Variants in STUM observed in about 807,000 individuals in gnomAD.
STUM encodes stum, mechanosensory transduction mediator homolog, also known as protein stum homolog.
Under a neutral mutation model 15.3 loss-of-function variants are expected in STUM, and 8 were observed. That is an observed-to-expected ratio of 0.52 (90% CI 0.31 to 0.94). The LOEUF is 0.94. Ranked by LOEUF, STUM falls within the 40% of genes least tolerant of loss-of-function variation. The probability of loss-of-function intolerance (pLI) is 0.05; values close to 1 mark genes in which losing one functional copy is unlikely to be tolerated. For synonymous variants in STUM, 78 were observed against 88.7 expected (o/e 0.88, Z 0.68); for missense variants, 142 against 204.9 (o/e 0.69, Z 1.87).
intron 1 of STUM, among the ~76,000 whole-genome samples, chr1:226,556,790 A>T (rs1448816734): frequency 6.6e-6 from 1 of 152,242 alleles, no homozygotes; most frequent in Admixed American, 6.5e-5. Flanking sequence ...CTCCACAGTC[A>T]GAACAGGTTA....
chr1:226,591,591 G>A (rs1210424760), intron 1 of STUM, among the ~76,000 whole-genome samples: 2 of 152,158 alleles, frequency 1.3e-5, no homozygotes, highest in African/African-American at 2.4e-5. Flanking sequence ...AGAACAGGCA[G>A]GTACTCAGCC....
Position 226,596,831 on chromosome 1 carries a change from T to G in STUM, c.232T>G (p.Cys78Gly). The G allele has an allele frequency of 6.2e-7, 1 of 1,614,210 alleles. No individual in the cohort carries two copies. The highest frequency in any genetic ancestry group is 8.5e-7 in the Non-Finnish European group (1 of 1,180,032). The change falls in exon 2 of 4, where the codon TGC (cysteine) becomes GGC (glycine). Residue 78 changes from cysteine to glycine, a missense_variant. Around this residue, in one of 2 missense-constraint regions of STUM, gnomAD observed 113 missense variants for 134.4 expected, o/e 0.84. Coordinates refer to ENST00000366788, the MANE Select transcript of STUM (RefSeq NM_001003665.4). Reference sequence around the variant, plus strand: ...ATTCGTCTCGGCCTTCACTGTGCTGTGCGGGGCCCGCACCGACCTCCCGGA... The same window carrying G: ...ATTCGTCTCGGCCTTCACTGTGCTGGGCGGGGCCCGCACCGACCTCCCGGA... Reference protein sequence around the residue: ...GTFVSAFTVLCGARTDLPDRH... With the variant: ...GTFVSAFTVLGGARTDLPDRH...
At position 226,549,345 on chromosome 1, in the gene STUM, G is replaced by T. The variant is rs1048380560; in HGVS notation, c.202+239G>T. 6.6e-6 allele frequency among the ~76,000 whole-genome samples: 1 copy of T among 152,198 alleles called. No homozygotes were observed. Among genetic ancestry groups the T allele is most frequent in the Non-Finnish European group, 1.5e-5 (1 of 68,030 alleles). On this transcript the variant is annotated intron_variant, in intron 1 of 3. Transcript: ENST00000366788. The surrounding 1 kb of genome is among the most constrained non-coding windows in gnomAD (Gnocchi z 6.8). ...CCGCAGGCGGGGCCCCAAAGAGCCG[G>T]AAACTTTGCGGCCAATGTTGGAGCC... is the stretch of plus-strand genomic sequence containing the variant.
At position 226,553,211 on chromosome 1, in the gene STUM, T is replaced by C. The variant is rs751142110; in HGVS notation, c.202+4105T>C. ...GAAATTGTTCAACAGAATGAGAGAG[T>C]AGTTACTTTTCATTAGAGTGGAAGG... is the stretch of plus-strand genomic sequence containing the variant. On this transcript the variant is annotated intron_variant, in intron 1 of 3. Transcript: ENST00000366788. Among the ~76,000 whole-genome samples, 4 of 151,802 alleles carry C rather than the reference T, an allele frequency of 2.6e-5. No individual in the cohort carries two copies. In the South Asian group the frequency reaches 8.3e-4, roughly 32 times the overall value.
chr1:226,600,783 C>A lies in STUM; in HGVS notation c.391+109C>A. 8.4e-7 allele frequency: 1 copy of A among 1,190,762 alleles called. No individual in the cohort carries two copies. The highest frequency in any genetic ancestry group is 1.2e-5 in the South Asian group (1 of 81,340). 73.8% of individuals were successfully genotyped at this position (1,190,762 alleles called of 1,614,324 possible). A position where few individuals can be genotyped will look rare whatever the true frequency, so the allele number is the denominator to read the frequency against. On this transcript the variant is annotated intron_variant, in intron 3 of 3. Coordinates refer to ENST00000366788, the MANE Select transcript of STUM (RefSeq NM_001003665.4). This position sits in a 1 kb window ranked among gnomAD's most constrained non-coding sequence, Gnocchi z 5.2. ...CACCCCACCCACTCTCCCAGTGGGT[C>A]AATGGGCTTTTATGTTTAGCTTGAA...
chr1:226,605,475 T>C lies in STUM; in HGVS notation c.*3435T>C, dbSNP rs1668341833. ...CGCATGCAGCCCAGAGCAGGTCCTG[T>C]GGAGGGGTCCTCACCCCTCAGGAGT... On this transcript the variant is annotated 3_prime_UTR_variant, in exon 4 of 4. Transcript: ENST00000366788. The surrounding 1 kb of genome is among the most constrained non-coding windows in gnomAD (Gnocchi z 4.0). The C allele has an allele frequency of 6.6e-6, 1 of 152,250 alleles. No homozygotes were observed. The highest frequency in any genetic ancestry group is 2.1e-4 in the South Asian group (1 of 4,838). The allele number at this position is 152,250 out of a possible 1,614,324, so 9.4% of individuals were successfully genotyped here.
intron 1 of STUM, among the ~76,000 whole-genome samples, chr1:226,570,900 A>T (rs539104435): frequency 3.1e-4 from 47 of 152,290 alleles, no homozygotes; most frequent in African/African-American, 1.1e-3. Context: ...TAAAAGCCCC[A>T]ATGATATTGA....
chr1:226,573,653 T>A (rs1667756446), intron 1 of STUM, among the ~76,000 whole-genome samples: 1 of 152,198 alleles, frequency 6.6e-6, no homozygotes, highest in African/African-American at 2.4e-5. Flanking sequence ...TTATTTTTAA[T>A]TTTTAAAATA....
Position 226,565,426 on chromosome 1 carries a change from A to G in STUM, c.202+16320A>G, listed in dbSNP as rs1170500902. On this transcript the variant is annotated intron_variant, in intron 1 of 3. Transcript: ENST00000366788. This position sits in a 1 kb window ranked among gnomAD's most constrained non-coding sequence, Gnocchi z 4.4. ...TGACTAGACTGTGGGGTCCTGAACC[A>G]CCAGCCTTGGCATACTACTGCTCCC... 6.6e-6 allele frequency among the ~76,000 whole-genome samples: 1 copy of G among 152,176 alleles called. No individual in the cohort carries two copies. Among genetic ancestry groups the G allele is most frequent in the Non-Finnish European group, 1.5e-5 (1 of 68,032 alleles).
At chr1:226,581,780 A>G (rs1667922608) in intron 1 of STUM, among the ~76,000 whole-genome samples, 1 of 151,954 alleles carries the variant, frequency 6.6e-6, no homozygotes, top group South Asian at 2.1e-4. Flanking sequence ...GTGGTGAAGG[A>G]CCGCCATCCT....
intron 1 of STUM, among the ~76,000 whole-genome samples, chr1:226,564,557 C>T (rs1667591542): frequency 6.6e-6 from 1 of 152,198 alleles, no homozygotes; most frequent in Non-Finnish European, 1.5e-5. Context: ...TGCATTGGAA[C>T]CAGGCATCTA....
intron 2 of STUM, 70 bp downstream of exon 2, chr1:226,597,051 C>A: frequency 6.9e-7 from 1 of 1,457,938 alleles, no homozygotes. Flanking sequence ...CTTGGGAGAC[C>A]TTCATGTCTG....
chr1:226,602,109 A>C lies in STUM; in HGVS notation c.*69A>C. The C allele has an allele frequency of 8.0e-7, 1 of 1,242,898 alleles. No individual in the cohort carries two copies. Among genetic ancestry groups the C allele is most frequent in the Non-Finnish European group, 1.2e-6 (1 of 862,614 alleles). The allele number at this position is 1,242,898 out of a possible 1,614,324, so 77.0% of individuals were successfully genotyped here. ...GCTGCACCAGGCAGCTTTGGGCACA[A>C]GGACCTTTACATGTTCTTTTCTGCC... On this transcript the variant is annotated 3_prime_UTR_variant, in exon 4 of 4. Transcript: ENST00000366788.
intron 1 of STUM, among the ~76,000 whole-genome samples, chr1:226,564,421 G>A (rs1667587764): frequency 6.6e-6 from 1 of 152,162 alleles, no homozygotes; most frequent in South Asian, 2.1e-4. Flanking sequence ...TCTTCATGGG[G>A]TTCCCTTCCC....
At chr1:226,571,605 G>C (rs1157073335) in intron 1 of STUM, among the ~76,000 whole-genome samples, 1 of 152,010 alleles carries the variant, frequency 6.6e-6, no homozygotes, top group African/African-American at 2.4e-5. Context: ...GTGGACCCCA[G>C]GGTTACCCCT....
At chr1:226,557,886 A>G (rs1038438844) in intron 1 of STUM, among the ~76,000 whole-genome samples, 2 of 152,254 alleles carry the variant, frequency 1.3e-5, no homozygotes, top group Non-Finnish European at 2.9e-5. Context: ...GACAAAAACC[A>G]TATGATCATC....
In STUM at chr1:226,578,059, C is replaced by T. The variant is rs140659071; in HGVS notation, c.203-18743C>T. 5.3e-3 allele frequency among the ~76,000 whole-genome samples: 807 copies of T among 152,212 alleles called. 10 individuals carry two copies. The highest frequency in any genetic ancestry group is 0.014 in the Middle Eastern group (4 of 294). On this transcript the variant is annotated intron_variant, in intron 1 of 3. Transcript: ENST00000366788. ...AGAGGCGGCCCCAGACTGCCCTCCC[C>T]GTGGGCCCAGGATGCTGGACCTTGT... is the stretch of plus-strand genomic sequence containing the variant.
intron 1 of STUM, among the ~76,000 whole-genome samples, chr1:226,560,348 C>T (rs1387906455): frequency 6.6e-6 from 1 of 152,176 alleles, no homozygotes; most frequent in Non-Finnish European, 1.5e-5. Flanking sequence ...AACCTTTTTG[C>T]CGTTGCTGTC....
At chr1:226,594,951 G>A (rs185615671) in intron 1 of STUM, among the ~76,000 whole-genome samples, 94 of 152,252 alleles carry the variant, frequency 6.2e-4, no homozygotes, top group African/African-American at 2.1e-3. Flanking sequence ...CCACTGCGCC[G>A]AGCCCTGGAA....
Sources: gnomAD v4.1 joint callset for allele counts (sites outside exome capture counted in the v4.1 genomes callset) on GRCh38, gnomAD v4.1.1 for gene constraint, gnomAD v4.1.1 regional missense constraint, Gnocchi (gnomAD v3.1) non-coding constraint, MANE v1.5 for transcripts, NCBI Gene and HGNC (gene_info 2026-07-23, HGNC 2026-07-21) for gene names.